Variants in ITPRID1 observed in about 807,000 individuals in gnomAD.
ITPRID1 encodes the protein protein ITPRID1.
Under a neutral mutation model 95.4 loss-of-function variants are expected in ITPRID1, and 96 were observed. The observed-to-expected ratio is 1.01, with a 90% confidence interval of 0.85 to 1.19. The LOEUF (loss-of-function observed/expected upper bound fraction) is 1.19, where lower values mean the gene tolerates loss of function less well. Among genes scored for constraint, ITPRID1 ranks in the 50% most tolerant of loss-of-function variants. The pLI, the probability that ITPRID1 is intolerant of heterozygous loss-of-function variation, is 0.00. For missense variants in ITPRID1, 1,339 were observed against 1,252.9 expected (o/e 1.07, Z -1.04); for synonymous variants, 510 against 453.6 (o/e 1.12, Z -1.58).
chr7:31,568,758 T>A (rs1784884837), intron 5 of ITPRID1, among the ~76,000 whole-genome samples: 1 of 152,236 alleles, frequency 6.6e-6, no homozygotes, highest in African/African-American at 2.4e-5. Flanking sequence ...ATTTACTTGT[T>A]TGCTCAAAAA....
At chr7:31,636,659 T>G (rs146428403) in intron 10 of ITPRID1, among the ~76,000 whole-genome samples, 3 of 152,238 alleles carry the variant, frequency 2.0e-5, no homozygotes, top group African/African-American at 4.8e-5. Context: ...TCCCATACTT[T>G]GTCTACTGCA....
chr7:31,628,257 A>G (rs1048989078), intron 10 of ITPRID1, among the ~76,000 whole-genome samples: 1 of 152,124 alleles, frequency 6.6e-6, no homozygotes, highest in African/African-American at 2.4e-5. Flanking sequence ...GATGGAACAC[A>G]AGAGAAAGCC....
intron 1 of ITPRID1, among the ~76,000 whole-genome samples, chr7:31,519,620 C>CTCCATATA: frequency 4.0e-5 from 1 of 25,270 alleles, no homozygotes; most frequent in Non-Finnish European, 7.3e-5. Flanking sequence ...CTCTCTCTCT[C>CTCCATATA]TATATATATA....
chr7:31,614,987 T>TTTATTTTTAAGCTATA (rs1331241760), intron 10 of ITPRID1, among the ~76,000 whole-genome samples: 1 of 152,226 alleles, frequency 6.6e-6, no homozygotes, highest in Admixed American at 6.5e-5. Flanking sequence ...AAGGGATTAA[T>TTTATTTTTAAGCTATA]TTATTTTTAA....
chr7:31,620,043 C>G (rs1359562715), intron 10 of ITPRID1, among the ~76,000 whole-genome samples: 1 of 152,140 alleles, frequency 6.6e-6, no homozygotes, highest in Non-Finnish European at 1.5e-5. Flanking sequence ...AAGGTGGCAG[C>G]GAGGCTGGGG....
chr7:31,650,935 A>T (rs918252250), intron 12 of ITPRID1, among the ~76,000 whole-genome samples: 1 of 152,112 alleles, frequency 6.6e-6, no homozygotes, highest in African/African-American at 2.4e-5. Flanking sequence ...ACCCAACAAC[A>T]GCTGCCCTTC....
chr7:31,578,175 A>G lies in ITPRID1; in HGVS notation c.911A>G (p.His304Arg), dbSNP rs1161756165. 2 of 1,613,840 alleles carry G rather than the reference A, an allele frequency of 1.2e-6. No individual in the cohort carries two copies. Among genetic ancestry groups the G allele is most frequent in the Admixed American group, 1.7e-5 (1 of 59,986 alleles). ...GAELAATSIN[H>R]KQNHLSLSVE... is the part of the protein sequence containing the mutation. ...GAGCTAGCAGCAACCTCAATCAACCACAAGCAAAATCATTTGTCTCTGTCA... is the reference window on the plus strand; with the variant it reads ...GAGCTAGCAGCAACCTCAATCAACCGCAAGCAAAATCATTTGTCTCTGTCA... The change falls in exon 9 of 15, where the codon CAC (histidine) becomes CGC (arginine). Residue 304 changes from histidine to arginine, a missense_variant. By Grantham distance (29) the His-to-Arg change is conservative (BLOSUM62 0). Coordinates refer to ENST00000615280, the MANE Select transcript of ITPRID1 (RefSeq NM_001257967.3).
intron 12 of ITPRID1, among the ~76,000 whole-genome samples, chr7:31,650,301 A>G (rs1445935345): frequency 6.6e-6 from 1 of 152,136 alleles, no homozygotes; most frequent in Non-Finnish European, 1.5e-5. Flanking sequence ...CAGGCTTTTT[A>G]TTGGGGGATG....
chr7:31,653,067 G>C lies in ITPRID1; in HGVS notation c.*238G>C, dbSNP rs1791103926. On this transcript the variant is annotated 3_prime_UTR_variant, in exon 15 of 15. Coordinates refer to ENST00000615280, the MANE Select transcript of ITPRID1 (RefSeq NM_001257967.3). Reference sequence around the variant, plus strand: ...CAGAGTATGCAACAGTGACTAAATAGTATACGGTCTCTGCCCTGCTAGAAC... The same window carrying C: ...CAGAGTATGCAACAGTGACTAAATACTATACGGTCTCTGCCCTGCTAGAAC... 9.8e-7 allele frequency: 1 copy of C among 1,019,742 alleles called. No individual in the cohort carries two copies. 63.2% of individuals were successfully genotyped at this position (1,019,742 alleles called of 1,614,324 possible).
intron 10 of ITPRID1, among the ~76,000 whole-genome samples, chr7:31,627,390 G>T (rs184150162): frequency 6.6e-6 from 1 of 152,242 alleles, no homozygotes; most frequent in East Asian, 1.9e-4. Context: ...AGACATGGTG[G>T]CTCATGCCTA....
chr7:31,544,750 A>G (rs548220113), intron 1 of ITPRID1, among the ~76,000 whole-genome samples: 1 of 152,266 alleles, frequency 6.6e-6, no homozygotes, highest in Non-Finnish European at 1.5e-5. Context: ...AGTAGATATC[A>G]TTGAATCTAT....
At chr7:31,645,899 A>T (rs1372497148) in intron 12 of ITPRID1, among the ~76,000 whole-genome samples, 1 of 152,150 alleles carries the variant, frequency 6.6e-6, no homozygotes, top group Non-Finnish European at 1.5e-5. Context: ...ACTCAGCTCT[A>T]AGAGAATAAA....
At chr7:31,592,631 C>G (rs1168749195) in intron 10 of ITPRID1, among the ~76,000 whole-genome samples, 2 of 152,138 alleles carry the variant, frequency 1.3e-5, no homozygotes, top group Non-Finnish European at 2.9e-5. Context: ...TTTGCATGTA[C>G]AGTTCACAAT....
At chr7:31,656,923 A>C (rs955993034), downstream of ITPRID1, among the ~76,000 whole-genome samples, 3 of 151,752 alleles carry the variant, frequency 2.0e-5, no homozygotes, top group East Asian at 3.9e-4. Flanking sequence ...TCTTCAGTGC[A>C]TGATGAACAA....
At chr7:31,569,873 A>G in intron 6 of ITPRID1, 64 bp downstream of exon 6, 1 of 1,393,604 alleles carries the variant, frequency 7.2e-7, no homozygotes, top group Non-Finnish European at 9.8e-7. Context: ...GCTGAATAAA[A>G]TAGAAGTAGG....
intron 2 of ITPRID1, among the ~76,000 whole-genome samples, chr7:31,552,704 C>A (rs1284768117): frequency 6.6e-6 from 1 of 152,182 alleles, no homozygotes. Context: ...AGTCTAATTT[C>A]TTTGCTCTCC....
At position 31,554,844 on chromosome 7, in the gene ITPRID1, T is replaced by C. The variant is rs1396090701; in HGVS notation, c.213-14T>C. The C allele has an allele frequency of 1.3e-6, 2 of 1,559,566 alleles. No homozygotes were observed. Among genetic ancestry groups the C allele is most frequent in the Admixed American group, 1.9e-5 (1 of 53,722 alleles). ...ACACATTGTTTGACTCACAATACTTTTGTTTCTTTACAGTGTCTCTGCAAA... is the reference window on the plus strand; with the variant it reads ...ACACATTGTTTGACTCACAATACTTCTGTTTCTTTACAGTGTCTCTGCAAA... On this transcript the variant is annotated splice_polypyrimidine_tract_variant and intron_variant, in intron 4 of 14. Transcript: ENST00000615280.
chr7:31,564,501 G>A (rs1479834750), intron 5 of ITPRID1, among the ~76,000 whole-genome samples: 1 of 152,040 alleles, frequency 6.6e-6, no homozygotes, highest in Non-Finnish European at 1.5e-5. Flanking sequence ...AAAAAATAGA[G>A]AAAATATCAA....
At chr7:31,604,724 G>A (rs998513628) in intron 10 of ITPRID1, among the ~76,000 whole-genome samples, 1 of 152,138 alleles carries the variant, frequency 6.6e-6, no homozygotes, top group Non-Finnish European at 1.5e-5. Context: ...TAAAAATTAC[G>A]TTTAACAAGT....
Sources: gnomAD v4.1 joint callset for allele counts (sites outside exome capture counted in the v4.1 genomes callset) on GRCh38, gnomAD v4.1.1 for gene constraint, MANE v1.5 for transcripts, NCBI Gene and HGNC (gene_info 2026-07-23, HGNC 2026-07-21) for gene names.